The following MCFD2 variants were observed in gnomAD, a reference collection of about 807,000 sequenced individuals.
The protein encoded by MCFD2 is multiple coagulation factor deficiency 2, ER cargo receptor complex subunit.
In MCFD2, 11 loss-of-function variants were observed where a neutral mutation model predicts 12.8. The observed-to-expected ratio is 0.86, with a 90% CI of 0.54 to 1.42. The LOEUF is 1.42. Ranked by LOEUF, MCFD2 falls within the 40% of genes most tolerant of loss-of-function variation. The pLI is 0.00. For missense variants in MCFD2, 191 were observed against 178.6 expected, an observed-to-expected ratio of 1.07 and a Z score of -0.40; for synonymous variants, 70 against 68.1, an observed-to-expected ratio of 1.03 and a Z score of -0.14.
intron 1 of MCFD2, among the ~76,000 whole-genome samples, chr2:46,926,448 T>C (rs1669387594): frequency 6.6e-6 from 1 of 152,166 alleles, no homozygotes; most frequent in African/African-American, 2.4e-5. Context: ...GTGGGGGCAC[T>C]TAAGCCTATG....
chr2:46,906,654 G>A (rs1449027271), intron 3 of MCFD2, among the ~76,000 whole-genome samples: 1 of 151,012 alleles, frequency 6.6e-6, no homozygotes, highest in Non-Finnish European at 1.5e-5. Flanking sequence ...GCATCACTAT[G>A]TCCAGCTAAT....
Position 46,903,075 on chromosome 2 carries a change from G to A in MCFD2, c.*2388C>T, listed in dbSNP as rs1480927161. The stretch of plus-strand genomic sequence containing the variant: ...TCTCCCAGAATTCCCACGTGTTGTG[G>A]GACAGACCCAGGGGGAGGTAATTGA... On this transcript the variant is annotated 3_prime_UTR_variant, in exon 4 of 4. Coordinates refer to ENST00000319466, the MANE Select transcript of MCFD2 (RefSeq NM_139279.6). 1 of 152,158 alleles carries A rather than the reference G, an allele frequency of 6.6e-6. No homozygotes were observed. The highest frequency in any genetic ancestry group is 1.9e-4 in the East Asian group (1 of 5,198). The allele number at this position is 152,158 out of a possible 1,614,324, so 9.4% of individuals were successfully genotyped here.
intron 1 of MCFD2, among the ~76,000 whole-genome samples, chr2:46,921,443 C>G (rs898893925): frequency 1.3e-5 from 2 of 152,146 alleles, no homozygotes; most frequent in Non-Finnish European, 2.9e-5. Context: ...AAGTCTAATT[C>G]AGTTATTGAA....
upstream of MCFD2, among the ~76,000 whole-genome samples, chr2:46,918,683 C>CT (rs541683199): frequency 3.2e-4 from 48 of 152,352 alleles, no homozygotes; most frequent in Middle Eastern, 3.4e-3. Context: ...CGTAGTGAAA[C>CT]TGTCACTTGC....
At chr2:46,923,436 T>C (rs34653836) in intron 1 of MCFD2, among the ~76,000 whole-genome samples, 28,753 of 152,156 alleles carry the variant, frequency 0.19, 3,346 homozygotes, top group African/African-American at 0.31. Context: ...TTAAGGATTG[T>C]AGGAGTTGTA....
Position 46,934,904 on chromosome 2 carries a change from G to A in MCFD2, c.-8+6668C>T, listed in dbSNP as rs747594592. 3.5e-5 allele frequency among the ~76,000 whole-genome samples: 5 copies of A among 141,026 alleles called. No individual in the cohort carries two copies. In the South Asian group the frequency reaches 6.8e-4, roughly 19 times the overall value. 92.5% of individuals were successfully genotyped at this position (141,026 alleles called of 152,430 possible). The stretch of plus-strand genomic sequence containing the variant: ...CAACCTCCGCCTCCCGGGTTCAAGC[G>A]ATTCTCTTGCCTCAGCCTCCTGAGT... On this transcript the variant is annotated intron_variant, in intron 1 of 2. Transcript: ENST00000409147.
intron 1 of MCFD2, among the ~76,000 whole-genome samples, chr2:46,925,997 T>C (rs1207899284): frequency 6.6e-6 from 1 of 152,206 alleles, no homozygotes; most frequent in South Asian, 2.1e-4. Flanking sequence ...CCTGGAAAGT[T>C]TGGGTTTGTC....
At chr2:46,938,903 C>T (rs980445739) in intron 1 of MCFD2, among the ~76,000 whole-genome samples, 2 of 151,068 alleles carry the variant, frequency 1.3e-5, no homozygotes, top group Admixed American at 6.6e-5. Flanking sequence ...CCCAGCTACT[C>T]GGGAGGCTAA....
At chr2:46,917,172 C>G (rs1483441340), upstream of MCFD2, 13 of 696,522 alleles carry the variant, frequency 1.9e-5, no homozygotes, top group African/African-American at 2.1e-4. Flanking sequence ...ATTTTTTTTT[C>G]TTTTTTTAAA....
chr2:46,938,265 G>A (rs1340681868), intron 1 of MCFD2, among the ~76,000 whole-genome samples: 2 of 152,120 alleles, frequency 1.3e-5, no homozygotes, highest in South Asian at 2.1e-4. Context: ...TCTCTAAAAC[G>A]TAAAGGACAA....
intron 1 of MCFD2, among the ~76,000 whole-genome samples, chr2:46,912,136 G>C (rs543395294): frequency 3.9e-5 from 6 of 152,098 alleles, no homozygotes; most frequent in African/African-American, 1.2e-4. Flanking sequence ...AGGAGTTTGA[G>C]ACCAGCCTGG....
At chr2:46,928,904 T>G (rs1669545171) in intron 1 of MCFD2, among the ~76,000 whole-genome samples, 1 of 152,258 alleles carries the variant, frequency 6.6e-6, no homozygotes, top group Non-Finnish European at 1.5e-5. Context: ...TAGTCATGCC[T>G]GCAATCCCAG....
At chr2:46,932,037 C>T (rs1041214965) in intron 1 of MCFD2, among the ~76,000 whole-genome samples, 2 of 151,914 alleles carry the variant, frequency 1.3e-5, no homozygotes, top group Non-Finnish European at 2.9e-5. Flanking sequence ...AAGAAGTATT[C>T]GTAAAATTCA....
intron 1 of MCFD2, among the ~76,000 whole-genome samples, chr2:46,928,058 G>C (rs1199961508): frequency 6.6e-6 from 1 of 151,382 alleles, no homozygotes; most frequent in Non-Finnish European, 1.5e-5. Context: ...CGCCCAGCTA[G>C]TTTTTGCATT....
chr2:46,935,573 G>T (rs1426362397), intron 1 of MCFD2, among the ~76,000 whole-genome samples: 1 of 152,076 alleles, frequency 6.6e-6, no homozygotes, highest in Non-Finnish European at 1.5e-5. Flanking sequence ...TGTCTTGATG[G>T]TATTTGCTGT....
upstream of MCFD2, among the ~76,000 whole-genome samples, chr2:46,920,034 T>TA (rs1197027662): frequency 6.6e-6 from 1 of 152,222 alleles, no homozygotes; most frequent in Non-Finnish European, 1.5e-5. Flanking sequence ...AGATATACTA[T>TA]AAACTGGGGT....
In MCFD2 at chr2:46,940,234, A is replaced by C. The variant is rs539785290; in HGVS notation, c.-8+1338T>G. 6.6e-6 allele frequency among the ~76,000 whole-genome samples: 1 copy of C among 152,278 alleles called. No individual in the cohort carries two copies. Among genetic ancestry groups the C allele is most frequent in the Non-Finnish European group, 1.5e-5 (1 of 68,018 alleles). On this transcript the variant is annotated intron_variant, in intron 1 of 2. Transcript: ENST00000409147. The surrounding 1 kb of genome is among the most constrained non-coding windows in gnomAD (Gnocchi z 4.7). ...TGAAGACTCCAGAGGGAGGACGTGG[A>C]GCACCTTCTAACTCTTAGGAGTCTG... is the stretch of plus-strand genomic sequence containing the variant.
Position 46,941,637 on chromosome 2 carries a change from G to T in MCFD2, c.-73C>A, listed in dbSNP as rs1429403320. The T allele has an allele frequency of 1.3e-6, 2 of 1,553,920 alleles. No individual in the cohort carries two copies. Among genetic ancestry groups the T allele is most frequent in the Non-Finnish European group, 1.7e-6 (2 of 1,149,164 alleles). On this transcript the variant is annotated 5_prime_UTR_variant, in exon 1 of 3. Coordinates refer to the MCFD2 transcript ENST00000409147. This position sits in a 1 kb window ranked among gnomAD's most constrained non-coding sequence, Gnocchi z 4.2. Reference sequence around the variant, plus strand: ...GCCACTGGGACCGCATGCCGGAGCTGGTCCGGCAGCTGCAGACGCTGAGCA... The same window carrying T: ...GCCACTGGGACCGCATGCCGGAGCTTGTCCGGCAGCTGCAGACGCTGAGCA...
chr2:46,916,238 C>T (rs535221885), upstream of MCFD2: 23 of 903,974 alleles, frequency 2.5e-5, 1 homozygote, highest in African/African-American at 3.9e-4. Flanking sequence ...ATGCTAATTC[C>T]TTCTTGATGA....
Sources: allele counts gnomAD v4.1 joint callset (sites outside exome capture counted in the v4.1 genomes callset), GRCh38; gene constraint gnomAD v4.1.1; non-coding constraint Gnocchi (gnomAD v3.1); transcripts MANE v1.5; gene names NCBI Gene and HGNC (gene_info 2026-07-23, HGNC 2026-07-21).